Variants in ATP2C2 observed in about 807,000 individuals in gnomAD.
The protein encoded by ATP2C2 is calcium-transporting ATPase type 2C member 2.
A neutral mutation model predicts 110.8 loss-of-function variants in ATP2C2; 171 were observed. The ratio of observed to expected loss-of-function variants is 1.54; its 90% CI spans 1.36 to 1.75. ATP2C2 has a LOEUF of 1.75. Ranked by LOEUF, ATP2C2 falls within the 40% of genes most tolerant of loss-of-function variation. ATP2C2 has a pLI of 0.00. For synonymous variants in ATP2C2, 804 were observed against 508.4 expected, an observed-to-expected ratio of 1.58 and a Z score of -7.82; for missense variants, 1,963 against 1,235.0, an observed-to-expected ratio of 1.59 and a Z score of -8.84.
At chr16:84,462,323 A>C (rs1235728301) in intron 26 of ATP2C2, 194 bp downstream of exon 26, 2 of 702,108 alleles carry the variant, frequency 2.8e-6, no homozygotes, top group Admixed American at 3.0e-5. Flanking sequence ...GGATGCACAG[A>C]AACCCCTAGG....
At chr16:84,431,828 G>A (rs986969893) in intron 11 of ATP2C2, among the ~76,000 whole-genome samples, 12 of 152,182 alleles carry the variant, frequency 7.9e-5, no homozygotes, top group Admixed American at 7.9e-4. Context: ...GATGAAAAGT[G>A]TTGGCCACCC....
chr16:84,437,281 C>T (rs1301640502), intron 11 of ATP2C2, among the ~76,000 whole-genome samples: 1 of 152,088 alleles, frequency 6.6e-6, no homozygotes, highest in Non-Finnish European at 1.5e-5. Context: ...TCAGCCTTGA[C>T]CTCCCAGGCT....
chr16:84,463,920 G>A lies in ATP2C2; in HGVS notation c.*188G>A, dbSNP rs141393234. On this transcript the variant is annotated 3_prime_UTR_variant, in exon 27 of 27. Transcript: ENST00000262429. ...GGACCCAGGCCCACATCCATCCAGC[G>A]TTCCCGCTGGCTGTGGGACAGACAG... 6.1e-4 allele frequency: 359 copies of A among 584,438 alleles called. 1 individual carries two copies. The highest frequency in any genetic ancestry group is 4.0e-3 in the East Asian group (141 of 35,478). The allele number at this position is 584,438 out of a possible 1,614,324, so 36.2% of individuals were successfully genotyped here. A position where few individuals can be genotyped will look rare whatever the true frequency, so the allele number is the denominator to read the frequency against.
Position 84,459,372 on chromosome 16 carries a change from G to T in ATP2C2, c.2319G>T (p.Gly773=), listed in dbSNP as rs13334642. 2,942 of 1,614,108 alleles carry T rather than the reference G, an allele frequency of 1.8e-3. 51 individuals are homozygous for T. In the African/African-American group the frequency reaches 0.035, roughly 19 times the overall value. ...QILWINIIMD[G]PPAQSLGVEP... ...TATGGATCAACATCATCATGGATGG[G>T]CCACCGGCGCAGAGGTGAGGCAGGG... Residue 773 remains glycine, a synonymous_variant, in exon 23 of 27, where the codon GGG becomes GGT. Coordinates refer to ENST00000262429, the MANE Select transcript of ATP2C2 (RefSeq NM_014861.4).
chr16:84,377,548 C>T (rs1597727908), intron 1 of ATP2C2, among the ~76,000 whole-genome samples: 1 of 152,048 alleles, frequency 6.6e-6, no homozygotes, highest in South Asian at 2.1e-4. Context: ...TGTCTTCATA[C>T]GGTTGTCCTC....
intron 1 of ATP2C2, among the ~76,000 whole-genome samples, chr16:84,377,507 C>T (rs963901430): frequency 1.3e-5 from 2 of 152,014 alleles, no homozygotes; most frequent in African/African-American, 4.8e-5. Flanking sequence ...GGAGGCCTCT[C>T]TGCTTGGTTT....
At chr16:84,447,570 C>T (rs991899904) in intron 16 of ATP2C2, among the ~76,000 whole-genome samples, 3 of 148,418 alleles carry the variant, frequency 2.0e-5, no homozygotes, top group African/African-American at 7.6e-5. Context: ...GCTTTTTCCC[C>T]CTAAGATTTT....
chr16:84,425,279 T>C (rs764998777), intron 10 of ATP2C2, among the ~76,000 whole-genome samples: 1 of 152,208 alleles, frequency 6.6e-6, no homozygotes, highest in Non-Finnish European at 1.5e-5. Flanking sequence ...ACGTATTTGG[T>C]AAATTATTAA....
intron 24 of ATP2C2, 65 bp from the exon 25 acceptor site, chr16:84,461,649 C>G (rs375901272): frequency 1.4e-6 from 2 of 1,439,802 alleles, no homozygotes; most frequent in Admixed American, 1.7e-5. Context: ...AGGCCTGTGC[C>G]CTTTGGTTCA....
At chr16:84,461,411 G>C (rs1018042810) in intron 24 of ATP2C2, 1 of 523,094 alleles carries the variant, frequency 1.9e-6, no homozygotes, top group East Asian at 3.3e-5. Flanking sequence ...CCTTCACTCT[G>C]GGTTTAACTG....
In ATP2C2 at chr16:84,422,467, A is replaced by G; in HGVS notation, c.702A>G (p.Thr234=). The G allele has an allele frequency of 6.2e-7, 1 of 1,614,098 alleles. No homozygotes were observed. The highest frequency in any genetic ancestry group is 8.5e-7 in the Non-Finnish European group (1 of 1,180,002). ...GTAGTAAAACAGACAGCCCCTTGAC[A>G]GGCGGTGGGGACCTCACCACCCTCA... ...EPCSKTDSPL[T]GGGDLTTLSN... The change falls in exon 8 of 27, where the codon ACA becomes ACG. Residue 234 remains threonine (T), a synonymous_variant. Coordinates refer to ENST00000262429, the MANE Select transcript of ATP2C2 (RefSeq NM_014861.4).
intron 2 of ATP2C2, among the ~76,000 whole-genome samples, chr16:84,399,917 C>A (rs987563086): frequency 6.6e-6 from 1 of 152,178 alleles, no homozygotes; most frequent in Non-Finnish European, 1.5e-5. Context: ...CTCCCAACTA[C>A]CCTTTCCAGG....
In ATP2C2 at chr16:84,387,926, A is replaced by ATTT. The variant is rs34113848; in HGVS notation, c.100-10562_100-10560dup. On this transcript the variant is annotated intron_variant, in intron 1 of 26. Transcript: ENST00000262429. ...GGTGACATAGTGAGATCCCATGCCTATTTTTTTTTTTTTAATAGAAGCACC... is the reference window on the plus strand; with the variant it reads ...GGTGACATAGTGAGATCCCATGCCTATTTTTTTTTTTTTTTTAATAGAAGCACC... 4.8e-3 allele frequency among the ~76,000 whole-genome samples: 697 copies of ATTT among 145,292 alleles called. 6 individuals carry two copies. Among genetic ancestry groups the ATTT allele is most frequent in the African/African-American group, 0.017 (651 of 39,374 alleles).
intron 1 of ATP2C2, among the ~76,000 whole-genome samples, chr16:84,369,451 G>C (rs1909824414): frequency 1.3e-5 from 2 of 152,036 alleles, no homozygotes; most frequent in Non-Finnish European, 1.5e-5. Context: ...TAAGGTCAGG[G>C]GGGCACTGAA....
At chr16:84,398,177 G>A (rs141545745) in intron 1 of ATP2C2, among the ~76,000 whole-genome samples, 13 of 150,170 alleles carry the variant, frequency 8.7e-5, no homozygotes, top group African/African-American at 3.0e-4. Flanking sequence ...CGAGGCAAGC[G>A]GATCACCTGA....
intron 7 of ATP2C2, among the ~76,000 whole-genome samples, chr16:84,417,520 G>A (rs1259185645): frequency 1.3e-5 from 2 of 152,184 alleles, no homozygotes; most frequent in African/African-American, 4.8e-5. Flanking sequence ...CTATACAACG[G>A]TTCTTTGAAA....
In ATP2C2 at chr16:84,459,373, C is replaced by T; in HGVS notation, c.2320C>T (p.Pro774Ser). Residue 774 changes from proline (P) to serine (S), a missense_variant, in exon 23 of 27, where the codon CCA (proline) becomes TCA (serine). Coordinates refer to ENST00000262429, the MANE Select transcript of ATP2C2 (RefSeq NM_014861.4). Reference protein sequence around the residue: ...ILWINIIMDGPPAQSLGVEPV... With the variant: ...ILWINIIMDGSPAQSLGVEPV... The stretch of plus-strand genomic sequence containing the variant: ...ATGGATCAACATCATCATGGATGGG[C>T]CACCGGCGCAGAGGTGAGGCAGGGC... 1 of 1,614,106 alleles carries T rather than the reference C, an allele frequency of 6.2e-7. No individual in the cohort carries two copies. Among genetic ancestry groups the T allele is most frequent in the Non-Finnish European group, 8.5e-7 (1 of 1,179,958 alleles).
chr16:84,371,292 G>C (rs1428017147), intron 1 of ATP2C2, among the ~76,000 whole-genome samples: 1 of 152,208 alleles, frequency 6.6e-6, no homozygotes, highest in Non-Finnish European at 1.5e-5. Flanking sequence ...TGAGGCAGGA[G>C]GGTCACTTGA....
At chr16:84,384,772 G>A (rs150084386) in intron 1 of ATP2C2, among the ~76,000 whole-genome samples, 7 of 152,304 alleles carry the variant, frequency 4.6e-5, no homozygotes, top group East Asian at 3.9e-4. Flanking sequence ...ACCTGAAGCC[G>A]GGCATGGTGG....
Sources: gnomAD v4.1 joint callset for allele counts (sites outside exome capture counted in the v4.1 genomes callset) on GRCh38, gnomAD v4.1.1 for gene constraint, MANE v1.5 for transcripts, NCBI Gene and HGNC (gene_info 2026-07-23, HGNC 2026-07-21) for gene names.